Variants in DNM3 observed in about 807,000 individuals in gnomAD.
DNM3 encodes the protein dynamin 3, also known as dynamin-3.
Under a neutral mutation model 101.6 loss-of-function variants are expected in DNM3, and 47 were observed. The ratio of observed to expected loss-of-function variants is 0.46; its 90% CI spans 0.37 to 0.59. The LOEUF (loss-of-function observed/expected upper bound fraction) is 0.59. DNM3 is among the 20% of genes least tolerant of loss of function. DNM3 has a pLI of 0.00. For missense variants in DNM3, 849 were observed against 1,085.7 expected (o/e 0.78, Z 3.06); for synonymous variants, 385 against 387.9 (o/e 0.99, Z 0.09).
intron 15 of DNM3, among the ~76,000 whole-genome samples, chr1:172,283,780 A>AAAAAAAAAAAAAAAAAAAAAG (rs1553221113): frequency 1.1e-4 from 13 of 119,092 alleles, no homozygotes; most frequent in African/African-American, 4.4e-4. Flanking sequence ...AAAAAAAAAA[A>AAAAAAAAAAAAAAAAAAAAAG]AAAGAAAGAA....
intron 14 of DNM3, among the ~76,000 whole-genome samples, chr1:172,132,260 T>C (rs2056979196): frequency 6.6e-6 from 1 of 152,198 alleles, no homozygotes; most frequent in South Asian, 2.1e-4. Context: ...AAAAGTTTCA[T>C]GTCTTATATA....
intron 2 of DNM3, among the ~76,000 whole-genome samples, chr1:171,959,695 G>A (rs1048168899): frequency 6.6e-6 from 1 of 152,106 alleles, no homozygotes; most frequent in African/African-American, 2.4e-5. Context: ...GAGAAGGAAG[G>A]GGTCAAAAGA....
At chr1:171,875,896 C>T (rs1398271444) in intron 1 of DNM3, among the ~76,000 whole-genome samples, 1 of 141,178 alleles carries the variant, frequency 7.1e-6, no homozygotes, top group Non-Finnish European at 1.5e-5. Flanking sequence ...CTGCAGCCTC[C>T]GCCTCCTGGG....
At chr1:172,361,598 G>C (rs1204928021) in intron 17 of DNM3, among the ~76,000 whole-genome samples, 2 of 151,886 alleles carry the variant, frequency 1.3e-5, no homozygotes, top group Admixed American at 6.6e-5. Context: ...CATAATATTT[G>C]AGGGTGGAGC....
At chr1:172,301,253 G>A (rs1233044036) in intron 15 of DNM3, among the ~76,000 whole-genome samples, 1 of 152,198 alleles carries the variant, frequency 6.6e-6, no homozygotes, top group Admixed American at 6.5e-5. Flanking sequence ...TGTAATTCCA[G>A]CACTTTAGGA....
At chr1:172,394,126 A>C (rs2069765330) in intron 20 of DNM3, 1 of 152,228 alleles carries the variant, frequency 6.6e-6, no homozygotes, top group Admixed American at 6.5e-5. Flanking sequence ...GTTAATGTCA[A>C]AGTTTTTAAT....
chr1:171,859,015 A>T (rs1339079536), intron 1 of DNM3, among the ~76,000 whole-genome samples: 1 of 152,180 alleles, frequency 6.6e-6, no homozygotes, highest in Non-Finnish European at 1.5e-5. Flanking sequence ...TATGGAATTC[A>T]AATTAAATCA....
intron 15 of DNM3, among the ~76,000 whole-genome samples, chr1:172,300,500 C>T (rs1002271776): frequency 1.3e-5 from 2 of 152,074 alleles, no homozygotes; most frequent in African/African-American, 4.8e-5. Flanking sequence ...AGATTTTCTT[C>T]TGAAGTTCCC....
At chr1:172,309,271 T>C (rs1439488063) in intron 16 of DNM3, 2 of 155,826 alleles carry the variant, frequency 1.3e-5, no homozygotes, top group Non-Finnish European at 2.8e-5. Context: ...ATGTCTATAT[T>C]CCCTGTATCC....
intron 20 of DNM3, among the ~76,000 whole-genome samples, chr1:172,405,140 C>T (rs933968745): frequency 6.6e-6 from 1 of 152,110 alleles, no homozygotes; most frequent in Non-Finnish European, 1.5e-5. Flanking sequence ...CTAGCCTAAA[C>T]TCTAGCCTGG....
At chr1:172,365,635 G>T (rs1244183860) in intron 17 of DNM3, among the ~76,000 whole-genome samples, 2 of 151,812 alleles carry the variant, frequency 1.3e-5, no homozygotes, top group Non-Finnish European at 2.9e-5. Context: ...TGTTTAAATT[G>T]TCATTTAAAA....
chr1:171,890,683 G>GTAGTA (rs2037191069), intron 1 of DNM3, among the ~76,000 whole-genome samples: 1 of 152,104 alleles, frequency 6.6e-6, no homozygotes, highest in Non-Finnish European at 1.5e-5. Context: ...CATAGTTTAT[G>GTAGTA]TTAGAATACT....
At chr1:171,978,802 A>G (rs1402484001) in intron 2 of DNM3, among the ~76,000 whole-genome samples, 1 of 152,068 alleles carries the variant, frequency 6.6e-6, no homozygotes, top group Non-Finnish European at 1.5e-5. Flanking sequence ...AGGCAGTGAG[A>G]CGGTGTTTGG....
chr1:172,319,840 T>G (rs1036155399), intron 16 of DNM3, among the ~76,000 whole-genome samples: 5 of 152,136 alleles, frequency 3.3e-5, no homozygotes, highest in African/African-American at 7.2e-5. Context: ...CTCAGGGATC[T>G]AGAACTAGAA....
intron 13 of DNM3, among the ~76,000 whole-genome samples, chr1:172,095,497 T>C (rs2054185983): frequency 1.3e-5 from 2 of 152,174 alleles, no homozygotes; most frequent in Admixed American, 1.3e-4. Flanking sequence ...AAATAAACCA[T>C]AATGACTTGA....
intron 4 of DNM3, among the ~76,000 whole-genome samples, chr1:172,023,413 C>T (rs779503437): frequency 3.9e-5 from 6 of 152,104 alleles, no homozygotes; most frequent in African/African-American, 7.2e-5. Flanking sequence ...CCTACTGTCA[C>T]GTTTATTGAA....
chr1:172,038,599 C>T, intron 7 of DNM3, 138 bp downstream of exon 7: 1 of 1,157,148 alleles, frequency 8.6e-7, no homozygotes. Context: ...CAAGATAACT[C>T]TTGAATTTTT....
intron 20 of DNM3, chr1:172,399,904 CTCT>C (rs1471241838): frequency 7.2e-5 from 2 of 27,804 alleles, no homozygotes; most frequent in East Asian, 0.019. Flanking sequence ...ATTCCTCATG[CTCT>C]TTTTTTTTGC....
chr1:172,261,209 T>C (rs2062630609), intron 15 of DNM3, among the ~76,000 whole-genome samples: 1 of 151,598 alleles, frequency 6.6e-6, no homozygotes, highest in African/African-American at 2.4e-5. Context: ...TGTGTTCTTA[T>C]GTTGATATCT....
Sources: gnomAD v4.1 joint callset for allele counts (sites outside exome capture counted in the v4.1 genomes callset) on GRCh38, gnomAD v4.1.1 for gene constraint, MANE v1.5 for transcripts, NCBI Gene and HGNC (gene_info 2026-07-23, HGNC 2026-07-21) for gene names.